The following CDCA7 variants were observed in gnomAD, a reference collection of about 807,000 sequenced individuals.
CDCA7 encodes cell division cycle associated 7, also known as cell division cycle-associated protein 7.
Under a neutral mutation model 54.0 loss-of-function variants are expected in CDCA7, and 28 were observed. The ratio of observed to expected loss-of-function variants is 0.52; its 90% CI spans 0.38 to 0.71. The LOEUF (loss-of-function observed/expected upper bound fraction) is 0.71, where lower values mean the gene tolerates loss of function less well. Ranked by LOEUF, CDCA7 falls within the 30% of genes least tolerant of loss-of-function variation. The pLI is 0.00. For missense variants in CDCA7, 484 were observed against 586.0 expected (o/e 0.83, Z 1.80); for synonymous variants, 180 against 208.2 (o/e 0.86, Z 1.16).
chr2:173,367,313 A>C, intron 9 of CDCA7, 27 bp downstream of exon 9: 1 of 1,613,406 alleles, frequency 6.2e-7, no homozygotes, highest in Non-Finnish European at 8.5e-7. Flanking sequence ...TTTCCCTTCC[A>C]CATCTGAATT....
intron 1 of CDCA7, among the ~76,000 whole-genome samples, chr2:173,355,887 AGAGCTGAGTCGCCGCCCCGGTG>A (rs1379089460): frequency 2.0e-5 from 3 of 152,128 alleles, no homozygotes; most frequent in Non-Finnish European, 4.4e-5. Context: ...GCGTGGTTTC[AGAGCTGAGTCGCCGCCCCGGTG>A]GAGCTGGGCA....
rs974159541 is a variant in CDCA7, at chr2:173,366,641, C to T, written c.1185+209C>T. Among the ~76,000 whole-genome samples, 21 of 152,116 alleles carry T rather than the reference C, an allele frequency of 1.4e-4. No homozygotes were observed. Among genetic ancestry groups the T allele is most frequent in the Admixed American group, 1.4e-3 (21 of 15,278 alleles). Reference sequence around the variant, plus strand: ...GCAACCTCCTCCTCCTGGGTTCAAGCGATTCTCCTGCCTCAGCCTCCCAAG... The same window carrying T: ...GCAACCTCCTCCTCCTGGGTTCAAGTGATTCTCCTGCCTCAGCCTCCCAAG... On this transcript the variant is annotated intron_variant, in intron 8 of 9. Coordinates refer to ENST00000306721, the MANE Select transcript of CDCA7 (RefSeq NM_031942.5). The surrounding 1 kb of genome is among the most constrained non-coding windows in gnomAD (Gnocchi z 4.5).
intron 9 of CDCA7, 36 bp from the exon 10 acceptor site, chr2:173,367,598 A>G: frequency 6.2e-7 from 1 of 1,612,774 alleles, no homozygotes; most frequent in Non-Finnish European, 8.5e-7. Context: ...TTGGTTGAAA[A>G]CTATGTCCTG....
chr2:173,358,820 G>C lies in CDCA7; in HGVS notation c.130G>C (p.Asp44His). ...TGACAGTTGTGACAGCTTTGCTTCTGATAATTTTGCAAACACGGTAAGTGC... is the reference window on the plus strand; with the variant it reads ...TGACAGTTGTGACAGCTTTGCTTCTCATAATTTTGCAAACACGGTAAGTGC... ...SDDSCDSFASDNFANTKPKFR... is the reference protein window; with the variant it reads ...SDDSCDSFASHNFANTKPKFR... Residue 44 changes from aspartate (D) to histidine (H), a missense_variant, in exon 2 of 10, where the codon GAT becomes CAT. Physicochemically the swap from Asp to His is moderately conservative, Grantham distance 81. Transcript: ENST00000306721. 1 of 1,613,362 alleles carries C rather than the reference G, an allele frequency of 6.2e-7. No homozygotes were observed. The highest frequency in any genetic ancestry group is 8.5e-7 in the Non-Finnish European group (1 of 1,179,582).
chr2:173,359,183 C>T, intron 2 of CDCA7, 72 bp from the exon 3 acceptor site: 1 of 1,258,886 alleles, frequency 7.9e-7, no homozygotes, highest in Non-Finnish European at 1.1e-6. Context: ...TTGCTCTCTG[C>T]ACGGTTTATG....
chr2:173,366,163 A>C lies in CDCA7; in HGVS notation c.1036-120A>C. The C allele has an allele frequency of 8.6e-7, 1 of 1,168,318 alleles. No homozygotes were observed. The highest frequency in any genetic ancestry group is 1.2e-6 in the Non-Finnish European group (1 of 838,848). 72.4% of individuals were successfully genotyped at this position (1,168,318 alleles called of 1,614,324 possible). On this transcript the variant is annotated intron_variant, in intron 7 of 9. Transcript: ENST00000306721. The surrounding 1 kb of genome is among the most constrained non-coding windows in gnomAD (Gnocchi z 4.5). ...TACCCTGGCATATACATGTGTATGT[A>C]GAGATTCATAGACAAAATGTAAGCC...
chr2:173,359,357 G>C lies in CDCA7; in HGVS notation c.250G>C (p.Asp84His). 6.2e-7 allele frequency: 1 copy of C among 1,614,204 alleles called. No homozygotes were observed. Among genetic ancestry groups the C allele is most frequent in the Non-Finnish European group, 8.5e-7 (1 of 1,180,036 alleles). The change falls in exon 3 of 10, where the codon GAT (aspartate) becomes CAT (histidine). Residue 84 changes from aspartate (D) to histidine (H), a missense_variant. Coordinates refer to ENST00000306721, the MANE Select transcript of CDCA7 (RefSeq NM_031942.5). ...FCGFSESEVQ[D>H]VLDHCGFLQK... ...CGGCTTTTCAGAAAGTGAGGTGCAA[G>C]ATGTATTAGACCATTGTGGATTTTT... is the stretch of plus-strand genomic sequence containing the variant.
chr2:173,363,992 C>A, intron 5 of CDCA7, 97 bp downstream of exon 5: 1 of 1,165,772 alleles, frequency 8.6e-7, no homozygotes, highest in African/African-American at 1.5e-5. Flanking sequence ...ATTTGTGTGG[C>A]CTTCTAGACA....
chr2:173,355,670 C>T, intron 1 of CDCA7, among the ~76,000 whole-genome samples: 1 of 104,558 alleles, frequency 9.6e-6, no homozygotes, highest in Non-Finnish European at 2.1e-5. Flanking sequence ...CAACCCCCAA[C>T]CCCCCACCCC....
chr2:173,357,679 C>T (rs34451673), intron 1 of CDCA7, among the ~76,000 whole-genome samples: 23,489 of 151,848 alleles, frequency 0.15, 2,316 homozygotes, highest in Middle Eastern at 0.25. Context: ...ATCTTTCTCC[C>T]CTTTTGTACT....
chr2:173,355,938 AAAACCATGTGTAGCTG>A (rs1303405118), intron 1 of CDCA7, among the ~76,000 whole-genome samples: 2 of 152,182 alleles, frequency 1.3e-5, no homozygotes, highest in Non-Finnish European at 2.9e-5. Context: ...CCGGATGAAG[AAAACCATGTGTAGCTG>A]GTCTTGGAAC....
intron 1 of CDCA7, 86 bp from the exon 2 acceptor site, chr2:173,358,626 T>C: frequency 6.9e-7 from 1 of 1,454,702 alleles, no homozygotes; most frequent in East Asian, 2.3e-5. Flanking sequence ...CTGTGCTGTT[T>C]GAACCTACTA....
At position 173,354,894 on chromosome 2, in the gene CDCA7, T is replaced by C. The variant is rs1310448496; in HGVS notation, c.-70T>C. ...CGCGCTGCTGCTGCTCCTCCTGCTG[T>C]GGGACCGCTGACCGCGCGGCTGCTC... On this transcript the variant is annotated 5_prime_UTR_variant, in exon 1 of 10. Transcript: ENST00000306721. 4 of 1,363,802 alleles carry C rather than the reference T, an allele frequency of 2.9e-6. No homozygotes were observed. The Admixed American group carries it at 1.0e-4, about 35-fold the overall frequency. 84.5% of individuals were successfully genotyped at this position (1,363,802 alleles called of 1,614,324 possible).
chr2:173,360,852 T>G (rs1210713172), intron 3 of CDCA7, among the ~76,000 whole-genome samples: 1 of 151,874 alleles, frequency 6.6e-6, no homozygotes, highest in East Asian at 1.9e-4. Flanking sequence ...TTTTCTTCTC[T>G]CTCTCTTTTT....
Position 173,364,775 on chromosome 2 carries a change from C to A in CDCA7, c.700-20C>A. 1 of 1,586,278 alleles carries A rather than the reference C, an allele frequency of 6.3e-7. No individual in the cohort carries two copies. The highest frequency in any genetic ancestry group is 1.2e-5 in the South Asian group (1 of 85,136). On this transcript the variant is annotated intron_variant, in intron 5 of 9. Coordinates refer to ENST00000306721, the MANE Select transcript of CDCA7 (RefSeq NM_031942.5). ...CTTTATTATGGAATAAATGGATTCCCTTATACGTGCTTTGTTTAGCAATCA... is the reference window on the plus strand; with the variant it reads ...CTTTATTATGGAATAAATGGATTCCATTATACGTGCTTTGTTTAGCAATCA...
Position 173,366,187 on chromosome 2 carries a change from C to A in CDCA7, c.1036-96C>A. 2 of 1,377,996 alleles carry A rather than the reference C, an allele frequency of 1.5e-6. No individual in the cohort carries two copies. The highest frequency in any genetic ancestry group is 1.4e-5 in the African/African-American group (1 of 69,048). The allele number at this position is 1,377,996 out of a possible 1,614,324, so 85.4% of individuals were successfully genotyped here. A position where few individuals can be genotyped will look rare whatever the true frequency, so the allele number is the denominator to read the frequency against. On this transcript the variant is annotated intron_variant, in intron 7 of 9. Coordinates refer to ENST00000306721, the MANE Select transcript of CDCA7 (RefSeq NM_031942.5). This position sits in a 1 kb window ranked among gnomAD's most constrained non-coding sequence, Gnocchi z 4.5. ...TAGAGATTCATAGACAAAATGTAAG[C>A]CTATACTACGAAGAGGGACATTCTG... is the stretch of plus-strand genomic sequence containing the variant.
chr2:173,367,414 C>T (rs1686744376), intron 9 of CDCA7, 128 bp downstream of exon 9: 3 of 1,427,308 alleles, frequency 2.1e-6, no homozygotes, highest in Admixed American at 1.9e-5. Flanking sequence ...ACGGGGCACA[C>T]TGGAAGGGAT....
chr2:173,367,781 C>A lies in CDCA7; in HGVS notation c.*117C>A. 1 of 1,086,466 alleles carries A rather than the reference C, an allele frequency of 9.2e-7. No individual in the cohort carries two copies. The highest frequency in any genetic ancestry group is 1.4e-6 in the Non-Finnish European group (1 of 704,698). The allele number at this position is 1,086,466 out of a possible 1,614,324, so 67.3% of individuals were successfully genotyped here. On this transcript the variant is annotated 3_prime_UTR_variant, in exon 10 of 10. Coordinates refer to ENST00000306721, the MANE Select transcript of CDCA7 (RefSeq NM_031942.5). Reference sequence around the variant, plus strand: ...GATGATCAGCCTGTTTCATAAGAAACTCCAATCAAGTTAATCTTAGCAGAC... The same window carrying A: ...GATGATCAGCCTGTTTCATAAGAAAATCCAATCAAGTTAATCTTAGCAGAC...
chr2:173,359,351 G>A lies in CDCA7; in HGVS notation c.244G>A (p.Val82Met). 6.2e-7 allele frequency: 1 copy of A among 1,614,162 alleles called. No individual in the cohort carries two copies. Among genetic ancestry groups the A allele is most frequent in the Non-Finnish European group, 8.5e-7 (1 of 1,180,038 alleles). The change falls in exon 3 of 10, where the codon GTG (valine) becomes ATG (methionine). Residue 82 changes from valine to methionine, a missense_variant. Val to Met is a conservative substitution (Grantham distance 21, BLOSUM62 1). Transcript: ENST00000306721. ...TTTCTGCGGCTTTTCAGAAAGTGAGGTGCAAGATGTATTAGACCATTGTGG... is the reference window on the plus strand; with the variant it reads ...TTTCTGCGGCTTTTCAGAAAGTGAGATGCAAGATGTATTAGACCATTGTGG... ...ESFCGFSESE[V>M]QDVLDHCGFL...
Sources: allele counts gnomAD v4.1 joint callset (sites outside exome capture counted in the v4.1 genomes callset), GRCh38; gene constraint gnomAD v4.1.1; non-coding constraint Gnocchi (gnomAD v3.1); transcripts MANE v1.5; gene names NCBI Gene and HGNC (gene_info 2026-07-23, HGNC 2026-07-21).